ADAMTS3: variants seen among roughly 807,000 people sequenced by gnomAD.
ADAMTS3 encodes A disintegrin and metalloproteinase with thrombospondin motifs 3.
Under a neutral mutation model 129.0 loss-of-function variants are expected in ADAMTS3, and 73 were observed. That is an observed-to-expected ratio of 0.57 (90% CI 0.47 to 0.69). The LOEUF is 0.69. ADAMTS3 is among the 30% of genes least tolerant of loss of function. ADAMTS3 has a pLI of 0.00. For missense variants in ADAMTS3, 1,457 were observed against 1,514.5 expected, an observed-to-expected ratio of 0.96 and a Z score of 0.63; for synonymous variants, 477 against 510.8, an observed-to-expected ratio of 0.93 and a Z score of 0.89.
intron 4 of ADAMTS3, among the ~76,000 whole-genome samples, chr4:72,362,287 T>C (rs1445846162): frequency 1.3e-5 from 2 of 152,120 alleles, no homozygotes; most frequent in Non-Finnish European, 2.9e-5. Context: ...AGTCAACTGG[T>C]CATAAGAGCC....
At chr4:72,316,476 A>C (rs924876338) in intron 10 of ADAMTS3, among the ~76,000 whole-genome samples, 1 of 152,088 alleles carries the variant, frequency 6.6e-6, no homozygotes, top group Non-Finnish European at 1.5e-5. Flanking sequence ...ACCTGAGGTC[A>C]GGAGTTCAAG....
Position 72,339,656 on chromosome 4 carries a change from A to T in ADAMTS3, c.699T>A (p.Val233=). ...TCAGCTGCTGGTGGATGTTGCCATA[A>T]ACAGTACCTAGATCATCAAGGCCTT... ...DLEGLDDLGT[V]YGNIHQQLNE... The change falls in exon 5 of 22, where the codon GTT becomes GTA. Residue 233 remains valine, a synonymous_variant. Transcript: ENST00000286657. The T allele has an allele frequency of 6.2e-7, 1 of 1,613,888 alleles. No homozygotes were observed. The highest frequency in any genetic ancestry group is 8.5e-7 in the Non-Finnish European group (1 of 1,179,866).
At chr4:72,519,972 T>A (rs1352740946) in intron 3 of ADAMTS3, among the ~76,000 whole-genome samples, 2 of 152,080 alleles carry the variant, frequency 1.3e-5, no homozygotes, top group Non-Finnish European at 2.9e-5. Context: ...TGTGGTTTTA[T>A]CTACTTTTGG....
intron 4 of ADAMTS3, among the ~76,000 whole-genome samples, chr4:72,359,222 A>C (rs1158838879): frequency 6.6e-6 from 1 of 152,030 alleles, no homozygotes; most frequent in Non-Finnish European, 1.5e-5. Flanking sequence ...TTCCTAAATA[A>C]GCAACTAAAC....
chr4:72,568,650 G>A (rs747533401), intron 1 of ADAMTS3, 44 bp downstream of exon 1: 2 of 1,418,942 alleles, frequency 1.4e-6, no homozygotes, highest in Admixed American at 2.1e-5. Flanking sequence ...TTCGGGAAAA[G>A]GTTGGGTTTG....
chr4:72,367,327 T>C (rs927213569), intron 4 of ADAMTS3, among the ~76,000 whole-genome samples: 1 of 152,146 alleles, frequency 6.6e-6, no homozygotes, highest in African/African-American at 2.4e-5. Context: ...CTATACTGCT[T>C]GGACATCTGC....
intron 15 of ADAMTS3, among the ~76,000 whole-genome samples, chr4:72,306,372 T>C (rs75978761): frequency 0.01 from 1,528 of 152,040 alleles, 25 homozygotes; most frequent in African/African-American, 0.035. Flanking sequence ...ATACTATACT[T>C]TCCTGTGTCC....
chr4:72,455,887 ATT>A (rs1218054030), intron 3 of ADAMTS3, among the ~76,000 whole-genome samples: 2 of 121,504 alleles, frequency 1.6e-5, no homozygotes, highest in African/African-American at 3.0e-5. Context: ...TACTATATAT[ATT>A]TTATATATAG....
chr4:72,408,658 C>G (rs1372033456), intron 4 of ADAMTS3, among the ~76,000 whole-genome samples: 1 of 150,684 alleles, frequency 6.6e-6, no homozygotes, highest in Non-Finnish European at 1.5e-5. Context: ...AACACAAATG[C>G]TTCCCACTTA....
chr4:72,302,514 A>G (rs1470293526), intron 17 of ADAMTS3, among the ~76,000 whole-genome samples: 2 of 152,074 alleles, frequency 1.3e-5, no homozygotes, highest in Non-Finnish European at 1.5e-5. Flanking sequence ...AACAATTTCA[A>G]CTGATTTAAG....
At chr4:72,517,010 A>T (rs1182087379) in intron 3 of ADAMTS3, among the ~76,000 whole-genome samples, 1 of 152,178 alleles carries the variant, frequency 6.6e-6, no homozygotes, top group Non-Finnish European at 1.5e-5. Context: ...GATACATCCC[A>T]TCAATACCTA....
chr4:72,369,127 A>G (rs1720941165), intron 4 of ADAMTS3, among the ~76,000 whole-genome samples: 1 of 152,242 alleles, frequency 6.6e-6, no homozygotes, highest in South Asian at 2.1e-4. Flanking sequence ...ACACTTACAC[A>G]TGTGATAGAA....
At chr4:72,555,906 T>C (rs1319080027) in intron 2 of ADAMTS3, among the ~76,000 whole-genome samples, 3 of 151,598 alleles carry the variant, frequency 2.0e-5, no homozygotes, top group Admixed American at 6.6e-5. Flanking sequence ...TGTGCTTGCT[T>C]CCCCTTCACC....
intron 3 of ADAMTS3, among the ~76,000 whole-genome samples, chr4:72,501,110 C>A (rs2110023981): frequency 6.6e-6 from 1 of 152,058 alleles, no homozygotes; most frequent in East Asian, 1.9e-4. Flanking sequence ...TTTTTTGTTT[C>A]TATATGAATT....
chr4:72,428,479 G>T (rs13149749), intron 3 of ADAMTS3, among the ~76,000 whole-genome samples: 53,860 of 151,868 alleles, frequency 0.35, 10,501 homozygotes, highest in South Asian at 0.59. Context: ...TAAAGCCATA[G>T]TAGGATCAAA....
intron 19 of ADAMTS3, among the ~76,000 whole-genome samples, chr4:72,294,025 A>G (rs931202495): frequency 2.0e-5 from 3 of 152,108 alleles, no homozygotes; most frequent in African/African-American, 7.2e-5. Context: ...GAAAGAAAGA[A>G]CACTGAGGAA....
intron 3 of ADAMTS3, among the ~76,000 whole-genome samples, chr4:72,521,505 A>G (rs1720670842): frequency 6.6e-6 from 1 of 152,204 alleles, no homozygotes; most frequent in Non-Finnish European, 1.5e-5. Flanking sequence ...TAGGATTAAA[A>G]AACATATAAA....
chr4:72,513,060 A>G (rs1402434354), intron 3 of ADAMTS3, among the ~76,000 whole-genome samples: 1 of 152,038 alleles, frequency 6.6e-6, no homozygotes, highest in Non-Finnish European at 1.5e-5. Context: ...ACCTCCTTTA[A>G]AAGTTCCATG....
intron 3 of ADAMTS3, among the ~76,000 whole-genome samples, chr4:72,520,111 C>T: frequency 6.6e-6 from 1 of 152,270 alleles, no homozygotes; most frequent in African/African-American, 2.4e-5. Flanking sequence ...CACTTCAGAC[C>T]CTGTTTGCCT....
Sources: gnomAD v4.1 joint callset for allele counts (sites outside exome capture counted in the v4.1 genomes callset) on GRCh38, gnomAD v4.1.1 for gene constraint, MANE v1.5 for transcripts, NCBI Gene and HGNC (gene_info 2026-07-23, HGNC 2026-07-21) for gene names.